Variants in DHX34 observed in about 807,000 individuals in gnomAD.
DHX34 encodes the protein probable ATP-dependent RNA helicase DHX34.
DHX34 carries 96 observed loss-of-function variants against 111.1 expected under a neutral mutation model. That is an observed-to-expected ratio of 0.86 (90% CI 0.73 to 1.02). DHX34 has a LOEUF of 1.02. Ranked by LOEUF, DHX34 falls within the 50% of genes least tolerant of loss-of-function variation. The pLI is 0.00. For missense variants in DHX34, 1,560 were observed against 1,579.9 expected, an observed-to-expected ratio of 0.99 and a Z score of 0.21; for synonymous variants, 688 against 670.4, an observed-to-expected ratio of 1.03 and a Z score of -0.41.
chr19:47,374,058 C>T (rs932860385), intron 9 of DHX34, among the ~76,000 whole-genome samples: 1 of 152,126 alleles, frequency 6.6e-6, no homozygotes, highest in Non-Finnish European at 1.5e-5. Flanking sequence ...CAGATCCCAG[C>T]TCTGCCATTT....
intron 16 of DHX34, chr19:47,381,643 C>T: frequency 1.7e-6 from 1 of 595,048 alleles, no homozygotes; most frequent in Non-Finnish European, 2.9e-6. Context: ...CCTTGGTCAC[C>T]TCCACCCTGT....
Position 47,381,328 on chromosome 19 carries a change from A to G in DHX34, c.3298+4A>G, listed in dbSNP as rs1434397880. 3 of 1,612,064 alleles carry G rather than the reference A, an allele frequency of 1.9e-6. No individual in the cohort carries two copies. The highest frequency in any genetic ancestry group is 2.5e-6 in the Non-Finnish European group (3 of 1,178,806). ...GCCCCACAGGATGGGCCCCCAGGTA[A>G]GCACAGGACTGTGGGGACCCGGCCA... On this transcript the variant is annotated splice_donor_region_variant and intron_variant, in intron 16 of 16. Coordinates refer to ENST00000328771, the MANE Select transcript of DHX34 (RefSeq NM_014681.6).
At chr19:47,357,550 G>C (rs367726509) in intron 3 of DHX34, among the ~76,000 whole-genome samples, 31 of 152,184 alleles carry the variant, frequency 2.0e-4, no homozygotes, top group African/African-American at 7.2e-4. Context: ...CTAGCATCTA[G>C]TGGGTAGGGC....
At chr19:47,379,572 G>A (rs1568408366) in intron 13 of DHX34, 138 bp from the exon 14 acceptor site, 24 of 1,473,800 alleles carry the variant, frequency 1.6e-5, no homozygotes, top group Non-Finnish European at 6.3e-6. Flanking sequence ...GCCTGGTACA[G>A]CGGGTAGATG....
rs1969516095 is a variant in DHX34 at position 47,358,119 on chromosome 19, A to G, written c.1271A>G (p.Lys424Arg). Residue 424 changes from lysine (K) to arginine (R), a missense_variant and splice_region_variant, in exon 4 of 17, where the codon AAG becomes AGG. Coordinates refer to ENST00000328771, the MANE Select transcript of DHX34 (RefSeq NM_014681.6). ...GCCCTGTCTGTGGCCGACCAGGACA[A>G]GGTATCACAGGAAGCCCGAGTGGGG... ...HSALSVADQDKVFDVAPPGVR... is the reference protein window; with the variant it reads ...HSALSVADQDRVFDVAPPGVR... The G allele has an allele frequency of 1.2e-6, 2 of 1,601,306 alleles. No homozygotes were observed. The highest frequency in any genetic ancestry group is 2.2e-5 in the South Asian group (2 of 90,894).
chr19:47,373,038 G>GC (rs779672670), intron 8 of DHX34, 115 bp downstream of exon 8: 498 of 1,335,278 alleles, frequency 3.7e-4, no homozygotes, highest in Non-Finnish European at 4.8e-4. Context: ...GGACCACTGA[G>GC]CCCCCCACAG....
chr19:47,379,574 G>A (rs1349164955), intron 13 of DHX34, 136 bp from the exon 14 acceptor site: 37 of 1,473,230 alleles, frequency 2.5e-5, no homozygotes, highest in Middle Eastern at 2.6e-4. Context: ...CTGGTACAGC[G>A]GGTAGATGGC....
At chr19:47,359,232 C>T (rs1316162174) in intron 4 of DHX34, among the ~76,000 whole-genome samples, 2 of 152,206 alleles carry the variant, frequency 1.3e-5, no homozygotes, top group Admixed American at 1.3e-4. Flanking sequence ...GAAGCTGAGA[C>T]AGGAGGATCA....
intron 9 of DHX34, 125 bp from the exon 10 acceptor site, chr19:47,375,341 C>G (rs573214930): frequency 7.0e-7 from 1 of 1,425,172 alleles, no homozygotes; most frequent in South Asian, 1.5e-5. Flanking sequence ...CAGCACCATG[C>G]GAGGGGCTGT....
At chr19:47,363,724 A>G (rs897867046) in intron 6 of DHX34, among the ~76,000 whole-genome samples, 6 of 151,444 alleles carry the variant, frequency 4.0e-5, no homozygotes, top group African/African-American at 1.2e-4. Flanking sequence ...AGGCTGAGGC[A>G]GGAGAATTGC....
chr19:47,352,093 G>T lies in DHX34; in HGVS notation c.-277-661G>T, dbSNP rs1446375512. ...CCTGTGGAGACAAGGTTCTGCTGTT[G>T]GTTGGCCATGTGACCTACATCTCTC... is the stretch of plus-strand genomic sequence containing the variant. On this transcript the variant is annotated intron_variant, in intron 1 of 16. Transcript: ENST00000328771. 3.3e-5 allele frequency among the ~76,000 whole-genome samples: 5 copies of T among 152,304 alleles called. No individual in the cohort carries two copies. The East Asian group carries it at 9.6e-4, about 29-fold the overall frequency.
At chr19:47,358,824 C>T (rs1490633305) in intron 4 of DHX34, among the ~76,000 whole-genome samples, 1 of 152,166 alleles carries the variant, frequency 6.6e-6, no homozygotes, top group Non-Finnish European at 1.5e-5. Context: ...CCATGTTGGC[C>T]AGGCTGGTCT....
At chr19:47,381,103 C>A in intron 15 of DHX34, 83 bp from the exon 16 acceptor site, 1 of 1,581,412 alleles carries the variant, frequency 6.3e-7, no homozygotes, top group Non-Finnish European at 8.6e-7. Flanking sequence ...GCCCTGAGGG[C>A]TTCTGGGAAG....
rs1265248774 is a variant in DHX34 at position 47,355,285 on chromosome 19, C to T, written c.952C>T (p.Leu318Phe). Residue 318 changes from leucine (L) to phenylalanine (F), a missense_variant, in exon 3 of 17, where the codon CTC becomes TTC. Coordinates refer to ENST00000328771, the MANE Select transcript of DHX34 (RefSeq NM_014681.6). ...ILMSATINIS[L>F]FSSYFSNAPV... is the part of the protein sequence containing the mutation. ...CATGTCGGCCACCATCAACATCTCG[C>T]TCTTCTCCAGCTATTTCAGCAATGC... 8.1e-6 allele frequency: 13 copies of T among 1,614,038 alleles called. No individual in the cohort carries two copies. The highest frequency in any genetic ancestry group is 1.1e-5 in the Non-Finnish European group (13 of 1,180,038).
intron 13 of DHX34, among the ~76,000 whole-genome samples, chr19:47,379,421 C>T (rs2122374491): frequency 6.6e-6 from 1 of 152,314 alleles, no homozygotes; most frequent in East Asian, 1.9e-4. Flanking sequence ...GTCTGAGTGC[C>T]TGCTGTCCCT....
chr19:47,375,431 C>T (rs746153101), intron 9 of DHX34, 35 bp from the exon 10 acceptor site: 5 of 1,550,900 alleles, frequency 3.2e-6, no homozygotes, highest in Non-Finnish European at 4.3e-6. Flanking sequence ...ACTGAGTCTG[C>T]CCTGAGGCCC....
In DHX34 at chr19:47,375,585, C is replaced by A; in HGVS notation, c.2184C>A (p.His728Gln). The A allele has an allele frequency of 1.9e-6, 3 of 1,546,250 alleles. No individual in the cohort carries two copies. Among genetic ancestry groups the A allele is most frequent in the Non-Finnish European group, 2.6e-6 (3 of 1,149,634 alleles). The stretch of plus-strand genomic sequence containing the variant: ...CCCTGCACCAGCTGAAACGCCAGCA[C>A]GAGGAGGGCGCGGGGCGCAGGCGCA... ...RRALHQLKRQ[H>Q]EEGAGRRRKV... Residue 728 changes from histidine to glutamine, a missense_variant, in exon 10 of 17, where the codon CAC becomes CAA. By Grantham distance (24) the His-to-Gln change is conservative. Coordinates refer to ENST00000328771, the MANE Select transcript of DHX34 (RefSeq NM_014681.6).
intron 14 of DHX34, among the ~76,000 whole-genome samples, chr19:47,380,317 G>C (rs1355967604): frequency 6.6e-6 from 1 of 152,072 alleles, no homozygotes; most frequent in African/African-American, 2.4e-5. Flanking sequence ...CTTGTGGATG[G>C]GAAGAACTGA....
intron 1 of DHX34, among the ~76,000 whole-genome samples, chr19:47,349,673 TG>T (rs1969225301): frequency 2.6e-5 from 4 of 151,940 alleles, no homozygotes; most frequent in Non-Finnish European, 5.9e-5. Flanking sequence ...AGAGTGCCGA[TG>T]GGTTCCAGCG....
Sources: allele counts gnomAD v4.1 joint callset (sites outside exome capture counted in the v4.1 genomes callset), GRCh38; gene constraint gnomAD v4.1.1; transcripts MANE v1.5; gene names NCBI Gene and HGNC (gene_info 2026-07-23, HGNC 2026-07-21).